The following MGLL variants were observed in gnomAD, a reference collection of about 807,000 sequenced individuals.
MGLL encodes lysophospholipase homolog.
Under a neutral mutation model 29.1 loss-of-function variants are expected in MGLL, and 7 were observed. The observed-to-expected ratio is 0.24, with a 90% CI of 0.14 to 0.45. The LOEUF is 0.45. MGLL is among the 20% of genes least tolerant of loss of function. MGLL has a pLI of 0.99. For missense variants in MGLL, 356 were observed against 413.6 expected (o/e 0.86, Z 1.21); for synonymous variants, 148 against 168.3 (o/e 0.88, Z 0.93).
At chr3:127,794,356 A>G (rs1238452574) in intron 2 of MGLL, among the ~76,000 whole-genome samples, 1 of 147,690 alleles carries the variant, frequency 6.8e-6, no homozygotes, top group Non-Finnish European at 1.5e-5. Flanking sequence ...GAGGCAGGAG[A>G]AAAAAAAAAA....
chr3:127,701,828 G>A (rs1394044338), intron 6 of MGLL, among the ~76,000 whole-genome samples: 2 of 152,056 alleles, frequency 1.3e-5, no homozygotes, highest in Admixed American at 6.5e-5. Context: ...CCCCTTCCAC[G>A]GCCTTTCTCT....
upstream of MGLL, chr3:127,822,595 A>T (rs528356205): frequency 2.0e-6 from 1 of 488,626 alleles, no homozygotes; most frequent in Non-Finnish European, 3.6e-6. Context: ...TTTCCTAAAC[A>T]AATCGCTAGA....
chr3:127,717,137 C>T (rs1162147388), intron 5 of MGLL, among the ~76,000 whole-genome samples: 1 of 152,180 alleles, frequency 6.6e-6, no homozygotes, highest in Non-Finnish European at 1.5e-5. Context: ...TGCTGCTGCC[C>T]AAAGGGCCAG....
intron 3 of MGLL, among the ~76,000 whole-genome samples, chr3:127,781,013 T>C (rs143892668): frequency 2.5e-4 from 38 of 152,326 alleles, no homozygotes; most frequent in African/African-American, 8.2e-4. Context: ...CAATGAACAT[T>C]GGATTTTGAT....
chr3:127,695,280 T>A, intron 6 of MGLL, 90 bp from the exon 7 acceptor site: 1 of 1,327,202 alleles, frequency 7.5e-7, no homozygotes, highest in Non-Finnish European at 1.1e-6. Context: ...CCTTCTGCTC[T>A]GGCCTGAAGG....
chr3:127,742,114 T>C (rs573527047), intron 3 of MGLL, among the ~76,000 whole-genome samples: 1 of 152,246 alleles, frequency 6.6e-6, no homozygotes, highest in Non-Finnish European at 1.5e-5. Context: ...TGAGTTCTAA[T>C]ACATAGAACT....
intron 3 of MGLL, among the ~76,000 whole-genome samples, chr3:127,730,304 C>T (rs940441326): frequency 1.3e-5 from 2 of 152,096 alleles, no homozygotes; most frequent in African/African-American, 2.4e-5. Flanking sequence ...CGTGGTCCGA[C>T]GGCCCCCACT....
rs996976459 is a variant in MGLL, at chr3:127,692,025, T to C, written c.*173A>G. ...CCATTAAGGTAGGTCCAGTGTCTGATAGTCTAATGTATAACAAAAATGTCT... is the reference window on the plus strand; with the variant it reads ...CCATTAAGGTAGGTCCAGTGTCTGACAGTCTAATGTATAACAAAAATGTCT... On this transcript the variant is annotated 3_prime_UTR_variant, in exon 8 of 8. Transcript: ENST00000265052. The C allele has an allele frequency of 2.4e-6, 2 of 831,648 alleles. No individual in the cohort carries two copies. The highest frequency in any genetic ancestry group is 1.7e-5 in the African/African-American group (1 of 57,954). 51.5% of individuals were successfully genotyped at this position (831,648 alleles called of 1,614,324 possible).
intron 2 of MGLL, among the ~76,000 whole-genome samples, chr3:127,785,332 G>T (rs1176294239): frequency 1.3e-5 from 2 of 152,222 alleles, no homozygotes; most frequent in East Asian, 3.9e-4. Context: ...CATGTCCCAA[G>T]CTATGTGTGT....
chr3:127,727,713 A>AAAC (rs1348601556), intron 3 of MGLL, among the ~76,000 whole-genome samples: 2 of 151,460 alleles, frequency 1.3e-5, no homozygotes, highest in Non-Finnish European at 3.0e-5. Flanking sequence ...CTAAAAAAAA[A>AAAC]AAAAAAAAAA....
chr3:127,783,392 G>A (rs947611458), intron 2 of MGLL, among the ~76,000 whole-genome samples: 8 of 152,142 alleles, frequency 5.3e-5, no homozygotes, highest in Non-Finnish European at 8.8e-5. Flanking sequence ...CCTGCTGACC[G>A]TCACTCTGGT....
intron 3 of MGLL, among the ~76,000 whole-genome samples, chr3:127,739,224 G>A (rs926510496): frequency 1.3e-5 from 2 of 152,202 alleles, no homozygotes; most frequent in Admixed American, 1.3e-4. Flanking sequence ...CCACAGGGAG[G>A]CCTCTTGTGG....
At chr3:127,734,652 A>G (rs1179175878) in intron 3 of MGLL, among the ~76,000 whole-genome samples, 5 of 152,240 alleles carry the variant, frequency 3.3e-5, no homozygotes, top group African/African-American at 1.2e-4. Flanking sequence ...AAGGGCTCTT[A>G]TCTTGGCTCT....
In MGLL at chr3:127,734,573, G is replaced by T. The variant is rs534187257; in HGVS notation, c.263-12007C>A. ...TGACCCTCCAGAGTGGCTGCACAGGGGCCCTGCAGGATTTGCTAGCCTGCC... is the reference window on the plus strand; with the variant it reads ...TGACCCTCCAGAGTGGCTGCACAGGTGCCCTGCAGGATTTGCTAGCCTGCC... On this transcript the variant is annotated intron_variant, in intron 3 of 7. Transcript: ENST00000265052. 4.6e-5 allele frequency among the ~76,000 whole-genome samples: 7 copies of T among 152,268 alleles called. No individual in the cohort carries two copies. In the South Asian group the frequency reaches 8.3e-4, roughly 18 times the overall value.
intron 5 of MGLL, among the ~76,000 whole-genome samples, chr3:127,718,087 C>A (rs1186016810): frequency 9.2e-5 from 14 of 151,904 alleles, no homozygotes; most frequent in Admixed American, 9.2e-4. Flanking sequence ...TGAAAACCAG[C>A]ATCCACATAA....
chr3:127,753,842 C>T (rs1691446340), intron 3 of MGLL, among the ~76,000 whole-genome samples: 1 of 152,212 alleles, frequency 6.6e-6, no homozygotes, highest in African/African-American at 2.4e-5. Flanking sequence ...GTCCAGAGCA[C>T]AGGCAGGTCT....
At chr3:127,787,877 A>G (rs140698212) in intron 2 of MGLL, among the ~76,000 whole-genome samples, 14 of 152,348 alleles carry the variant, frequency 9.2e-5, no homozygotes, top group African/African-American at 3.1e-4. Context: ...GGCTTGTGAG[A>G]GTGCGTTGGA....
At chr3:127,719,330 C>T (rs2075876117) in intron 5 of MGLL, among the ~76,000 whole-genome samples, 1 of 152,232 alleles carries the variant, frequency 6.6e-6, no homozygotes, top group South Asian at 2.1e-4. Context: ...ATTGCAGAAA[C>T]ATCCATTTTC....
rs560653558 is a variant in MGLL, at chr3:127,799,604, G to A, written c.156-17709C>T. ...TGTGTAAATACACCAGGTTGAATGA[G>A]TGAATGAAATCCACCAGTCAACTCT... On this transcript the variant is annotated intron_variant, in intron 2 of 7. Coordinates refer to ENST00000265052, the MANE Select transcript of MGLL (RefSeq NM_007283.7). The A allele has an allele frequency of 2.6e-5, 4 of 152,338 alleles. No homozygotes were observed. In the South Asian group the frequency reaches 8.3e-4, roughly 32 times the overall value. The allele number at this position is 152,338 out of a possible 1,614,324, so 9.4% of individuals were successfully genotyped here.
Sources: allele counts gnomAD v4.1 joint callset (sites outside exome capture counted in the v4.1 genomes callset), GRCh38; gene constraint gnomAD v4.1.1; transcripts MANE v1.5; gene names NCBI Gene and HGNC (gene_info 2026-07-23, HGNC 2026-07-21).